ZNF691: variants seen among roughly 807,000 people sequenced by gnomAD.
ZNF691 encodes the protein zinc finger protein 691.
A neutral mutation model predicts 24.1 loss-of-function variants in ZNF691; 11 were observed. The ratio of observed to expected loss-of-function variants is 0.46; its 90% CI spans 0.29 to 0.75. ZNF691 has a LOEUF of 0.75. Ranked by LOEUF, ZNF691 falls within the 30% of genes least tolerant of loss-of-function variation. The probability of loss-of-function intolerance (pLI) is 0.11; values close to 1 mark genes in which losing one functional copy is unlikely to be tolerated. For missense variants in ZNF691, 356 were observed against 409.0 expected, an observed-to-expected ratio of 0.87 and a Z score of 1.12; for synonymous variants, 149 against 153.9, an observed-to-expected ratio of 0.97 and a Z score of 0.23.
chr1:42,849,405 G>A lies in ZNF691; in HGVS notation c.-103G>A, dbSNP rs1196683695. 5 of 620,638 alleles carry A rather than the reference G, an allele frequency of 8.1e-6. No individual in the cohort carries two copies. The highest frequency in any genetic ancestry group is 1.5e-5 in the Non-Finnish European group (5 of 332,742). 38.4% of individuals were successfully genotyped at this position (620,638 alleles called of 1,614,324 possible). On this transcript the variant is annotated 5_prime_UTR_variant, in exon 2 of 4. Transcript: ENST00000651192. The stretch of plus-strand genomic sequence containing the variant: ...GCATTTTTTTCTAATACAAAGTCTT[G>A]TAGTGTGGGTAGGTATCACAATTTT...
Sources: allele counts gnomAD v4.1 joint callset, GRCh38; gene constraint gnomAD v4.1.1; transcripts MANE v1.5; gene names NCBI Gene and HGNC (gene_info 2026-07-23, HGNC 2026-07-21).